GNAQ: variants seen among roughly 807,000 people sequenced by gnomAD.
GNAQ encodes guanine nucleotide-binding protein G(q) subunit alpha.
Under a neutral mutation model 43.9 loss-of-function variants are expected in GNAQ, and 8 were observed. The observed-to-expected ratio is 0.18, with a 90% CI of 0.11 to 0.33. The LOEUF is 0.33. Ranked by LOEUF, GNAQ falls within the 10% of genes least tolerant of loss-of-function variation. The probability of loss-of-function intolerance (pLI) is 1.00; values close to 1 mark genes in which losing one functional copy is unlikely to be tolerated. For missense variants in GNAQ, 158 were observed against 450.8 expected, an observed-to-expected ratio of 0.35 and a Z score of 5.88; for synonymous variants, 155 against 170.7, an observed-to-expected ratio of 0.91 and a Z score of 0.71.
intron 1 of GNAQ, among the ~76,000 whole-genome samples, chr9:77,978,816 T>C (rs1823333819): frequency 1.3e-5 from 2 of 152,118 alleles, no homozygotes; most frequent in South Asian, 2.1e-4. Flanking sequence ...TCCCAGCACT[T>C]TGGGAGGCGA....
intron 2 of GNAQ, among the ~76,000 whole-genome samples, chr9:77,869,514 T>C (rs888750347): frequency 1.3e-5 from 2 of 152,190 alleles, no homozygotes; most frequent in Non-Finnish European, 2.9e-5. Flanking sequence ...GTTACCAGAA[T>C]TGGTAAACAA....
chr9:77,947,651 G>A (rs1335100218), intron 1 of GNAQ, among the ~76,000 whole-genome samples: 1 of 152,206 alleles, frequency 6.6e-6, no homozygotes, highest in African/African-American at 2.4e-5. Flanking sequence ...CATGGCTGGA[G>A]AGACAGTAAG....
intron 2 of GNAQ, among the ~76,000 whole-genome samples, chr9:77,901,541 G>A (rs535199837): frequency 1.3e-5 from 2 of 152,198 alleles, no homozygotes; most frequent in Admixed American, 6.5e-5. Flanking sequence ...TCCTTAGGCC[G>A]AGCTGGAGCT....
intron 3 of GNAQ, among the ~76,000 whole-genome samples, chr9:77,809,158 T>C (rs1399620121): frequency 6.6e-6 from 1 of 152,208 alleles, no homozygotes; most frequent in African/African-American, 2.4e-5. Flanking sequence ...AACTCCAATG[T>C]TGACTTATGC....
intron 1 of GNAQ, among the ~76,000 whole-genome samples, chr9:78,007,282 A>G (rs1587458068): frequency 6.6e-6 from 1 of 151,772 alleles, no homozygotes; most frequent in East Asian, 1.9e-4. Context: ...GAGCAATCTA[A>G]AAGCTTTTTT....
At chr9:77,902,025 C>T (rs533117282) in intron 2 of GNAQ, among the ~76,000 whole-genome samples, 1 of 152,302 alleles carries the variant, frequency 6.6e-6, no homozygotes, top group East Asian at 1.9e-4. Flanking sequence ...ATACCATCAC[C>T]TTAGGGGTTA....
rs1215601495 is a variant in GNAQ, at chr9:77,831,343, T to C, written c.322-15573A>G. ...TGCATGATTTTAAAAATTAGGACCA[T>C]ATGCAGTTTAAAAGGCAGTCTACAC... On this transcript the variant is annotated intron_variant, in intron 2 of 6. Transcript: ENST00000286548. Among the ~76,000 whole-genome samples, 7 of 152,152 alleles carry C rather than the reference T, an allele frequency of 4.6e-5. 1 individual carries two copies.
intron 2 of GNAQ, among the ~76,000 whole-genome samples, chr9:77,835,731 CTGATAAATAACTTGCCTACGAAT>C (rs1827373392): frequency 6.6e-6 from 1 of 152,142 alleles, no homozygotes; most frequent in Non-Finnish European, 1.5e-5. Context: ...CATAGGAGGA[CTGATAAATAACTTGCCTACGAAT>C]TGCAGAGCCA....
intron 1 of GNAQ, among the ~76,000 whole-genome samples, chr9:77,943,726 T>G (rs1265454910): frequency 1.3e-5 from 2 of 148,638 alleles, no homozygotes; most frequent in African/African-American, 5.0e-5. Flanking sequence ...TGCAGTGGCG[T>G]GATCTTGGCT....
At chr9:77,938,124 TG>T (rs1829260313) in intron 1 of GNAQ, among the ~76,000 whole-genome samples, 1 of 152,228 alleles carries the variant, frequency 6.6e-6, no homozygotes, top group African/African-American at 2.4e-5. Flanking sequence ...ATACTTTAAA[TG>T]ATCTCTACAT....
At chr9:77,817,999 A>G (rs1827048256) in intron 2 of GNAQ, among the ~76,000 whole-genome samples, 1 of 151,984 alleles carries the variant, frequency 6.6e-6, no homozygotes, top group Non-Finnish European at 1.5e-5. Flanking sequence ...TTTGACTGCA[A>G]AAAACAAAAA....
At chr9:77,887,077 G>C (rs1427242977) in intron 2 of GNAQ, among the ~76,000 whole-genome samples, 1 of 152,122 alleles carries the variant, frequency 6.6e-6, no homozygotes, top group Admixed American at 6.5e-5. Context: ...AGCCAAGTTT[G>C]CGCCACTGCA....
At chr9:77,849,923 T>C (rs149805982) in intron 2 of GNAQ, among the ~76,000 whole-genome samples, 2 of 152,328 alleles carry the variant, frequency 1.3e-5, no homozygotes, top group East Asian at 3.9e-4. Context: ...ATTACAGGCA[T>C]GAGTCACCTT....
Position 77,762,010 on chromosome 9 carries a change from G to A in GNAQ, c.735+32453C>T, listed in dbSNP as rs1432250456. 3.0e-3 allele frequency among the ~76,000 whole-genome samples: 403 copies of A among 135,732 alleles called. 1 individual carries two copies. Among genetic ancestry groups the A allele is most frequent in the African/African-American group, 0.011 (391 of 35,492 alleles). The allele number at this position is 135,732 out of a possible 152,430, so 89.0% of individuals were successfully genotyped here. On this transcript the variant is annotated intron_variant, in intron 5 of 6. Transcript: ENST00000286548. ...GGGAGGTGAGGGGCGCCTCTGCCCG[G>A]CCGCCCCTCCTGGGAAGTGAGGAGC... is the stretch of plus-strand genomic sequence containing the variant.
intron 2 of GNAQ, among the ~76,000 whole-genome samples, chr9:77,862,053 G>C (rs950389897): frequency 1.4e-4 from 21 of 151,234 alleles, no homozygotes; most frequent in Admixed American, 1.1e-3. Context: ...CCATGGTCTT[G>C]GACAGTTCTG....
intron 1 of GNAQ, among the ~76,000 whole-genome samples, chr9:77,978,989 G>A (rs1275833395): frequency 6.6e-6 from 1 of 152,204 alleles, no homozygotes; most frequent in Admixed American, 6.5e-5. Flanking sequence ...CTGGGAGGCA[G>A]AGGTTGCCTC....
At chr9:78,014,713 G>T (rs1164653168) in intron 1 of GNAQ, among the ~76,000 whole-genome samples, 1 of 152,100 alleles carries the variant, frequency 6.6e-6, no homozygotes, top group Non-Finnish European at 1.5e-5. Flanking sequence ...TATTAATAAC[G>T]ATGCTGAGTT....
rs58980314 is a variant in GNAQ, at chr9:77,843,234, C to A, written c.322-27464G>T. ...TCCTCCCTCTGGCCTGCTCCCTCCACCTTGAGCCATGCGGATATCTGGGGG... is the reference window on the plus strand; with the variant it reads ...TCCTCCCTCTGGCCTGCTCCCTCCAACTTGAGCCATGCGGATATCTGGGGG... On this transcript the variant is annotated intron_variant, in intron 2 of 6. Transcript: ENST00000286548. Among the ~76,000 whole-genome samples, 400 of 152,290 alleles carry A rather than the reference C, an allele frequency of 2.6e-3. 2 individuals carry two copies. The highest frequency in any genetic ancestry group is 9.2e-3 in the African/African-American group (382 of 41,574).
intron 2 of GNAQ, among the ~76,000 whole-genome samples, chr9:77,848,095 C>T (rs13296875): frequency 0.12 from 18,434 of 152,148 alleles, 1,196 homozygotes; most frequent in East Asian, 0.23. Flanking sequence ...CTGTCTCTAT[C>T]ACGATCAATG....
Sources: allele counts gnomAD v4.1 joint callset (sites outside exome capture counted in the v4.1 genomes callset), GRCh38; gene constraint gnomAD v4.1.1; transcripts MANE v1.5; gene names NCBI Gene and HGNC (gene_info 2026-07-23, HGNC 2026-07-21).